ASPH: variants seen among roughly 807,000 people sequenced by gnomAD.
ASPH encodes aspartate beta-hydroxylase, also known as aspartyl/asparaginyl beta-hydroxylase.
ASPH carries 100 observed loss-of-function variants against 118.4 expected under a neutral mutation model. That is an observed-to-expected ratio of 0.84 (90% CI 0.72 to 1.00). The LOEUF is 1.00. Among genes scored for constraint, ASPH ranks in the 50% least tolerant of loss-of-function variants. The pLI is 0.00. For missense variants in ASPH, 920 were observed against 919.5 expected (o/e 1.00, Z -0.01); for synonymous variants, 315 against 325.6 (o/e 0.97, Z 0.35).
chr8:61,583,192 C>CT (rs1451431268), intron 15 of ASPH: 1 of 152,056 alleles, frequency 6.6e-6, no homozygotes, highest in South Asian at 2.1e-4. Context: ...CCTAGTTTTT[C>CT]TTTTTGCATC....
chr8:61,594,286 C>T (rs527256029), intron 14 of ASPH, among the ~76,000 whole-genome samples: 4 of 152,220 alleles, frequency 2.6e-5, no homozygotes, highest in East Asian at 1.9e-4. Flanking sequence ...AAATATCACC[C>T]GAATTTATTA....
chr8:61,698,383 G>T (rs780293851), intron 1 of ASPH, among the ~76,000 whole-genome samples: 2 of 152,244 alleles, frequency 1.3e-5, no homozygotes, highest in African/African-American at 2.4e-5. Context: ...ACTACATATG[G>T]AAAAGCCTTT....
intron 15 of ASPH, 144 bp downstream of exon 15, chr8:61,583,800 G>T: frequency 1.7e-6 from 1 of 586,148 alleles, no homozygotes; most frequent in Non-Finnish European, 2.9e-6. Flanking sequence ...ATTTCATGTG[G>T]AATGTTCATG....
chr8:61,654,570 A>G (rs1812680802), intron 3 of ASPH, among the ~76,000 whole-genome samples: 2 of 152,338 alleles, frequency 1.3e-5, no homozygotes, highest in East Asian at 1.9e-4. Flanking sequence ...ATGTATGCAC[A>G]CTAATGTGGT....
intron 21 of ASPH, among the ~76,000 whole-genome samples, chr8:61,533,050 A>AT (rs1013089224): frequency 4.7e-5 from 7 of 147,804 alleles, no homozygotes; most frequent in African/African-American, 7.5e-5. Flanking sequence ...GAAAACTCAC[A>AT]TTTTTTCTAT....
In ASPH at chr8:61,555,924, C is replaced by A; in HGVS notation, c.1536G>T (p.Lys512Asn). The change falls in exon 19 of 25, where the codon AAG (lysine) becomes AAT (asparagine). Residue 512 changes from lysine (K) to asparagine (N), a missense_variant and splice_region_variant. Lys to Asn is a moderately conservative substitution (Grantham distance 94). Coordinates refer to ENST00000379454, the MANE Select transcript of ASPH (RefSeq NM_004318.4). ...NKIAESIPYL[K>N]EGIESGDPGT... ...GGAGAGGAGAAGCAGTGAGCATTAC[C>A]TTTAAATATGGGATGCTCTCAGCAA... The A allele has an allele frequency of 6.2e-7, 1 of 1,612,886 alleles. No individual in the cohort carries two copies. Among genetic ancestry groups the A allele is most frequent in the South Asian group, 1.1e-5 (1 of 90,942 alleles).
At chr8:61,529,781 T>A (rs919114448) in intron 21 of ASPH, among the ~76,000 whole-genome samples, 2 of 152,218 alleles carry the variant, frequency 1.3e-5, no homozygotes, top group African/African-American at 4.8e-5. Flanking sequence ...TCAATTCTGG[T>A]GAGGGCCACT....
chr8:61,689,997 C>T, intron 1 of ASPH: 1 of 453,410 alleles, frequency 2.2e-6, no homozygotes. Context: ...TAGCTAACTC[C>T]AACCCCTAAA....
At chr8:61,637,159 T>G (rs1858189796) in intron 12 of ASPH, among the ~76,000 whole-genome samples, 1 of 151,998 alleles carries the variant, frequency 6.6e-6, no homozygotes, top group Non-Finnish European at 1.5e-5. Context: ...TCTTACATGC[T>G]CCCCCTGGCA....
chr8:61,576,360 G>C (rs1357973557), intron 16 of ASPH, among the ~76,000 whole-genome samples: 1 of 152,164 alleles, frequency 6.6e-6, no homozygotes, highest in Non-Finnish European at 1.5e-5. Context: ...AAAAACTATA[G>C]AGACATCAAA....
chr8:61,535,609 T>A (rs552853025), intron 21 of ASPH, among the ~76,000 whole-genome samples: 1 of 152,382 alleles, frequency 6.6e-6, no homozygotes, highest in South Asian at 2.1e-4. Flanking sequence ...GGAGTTAGAA[T>A]GAATTGATAA....
chr8:61,670,330 A>G (rs1821818191), intron 3 of ASPH, among the ~76,000 whole-genome samples: 1 of 151,990 alleles, frequency 6.6e-6, no homozygotes, highest in South Asian at 2.1e-4. Context: ...TGAAATGATC[A>G]GTTTTAGGAA....
chr8:61,694,857 A>G (rs1011652744), intron 1 of ASPH, among the ~76,000 whole-genome samples: 8 of 152,170 alleles, frequency 5.3e-5, no homozygotes, highest in Non-Finnish European at 1.0e-4. Context: ...ACAATAAACC[A>G]TGGTCTTTCC....
chr8:61,708,915 C>G (rs1276278347), intron 1 of ASPH, among the ~76,000 whole-genome samples: 1 of 146,658 alleles, frequency 6.8e-6, no homozygotes, highest in Non-Finnish European at 1.5e-5. Flanking sequence ...CACCAATGCT[C>G]TCCGCTCTGG....
intron 13 of ASPH, among the ~76,000 whole-genome samples, chr8:61,629,227 C>T (rs994337833): frequency 1.2e-4 from 18 of 152,156 alleles, no homozygotes; most frequent in Non-Finnish European, 1.5e-5. Flanking sequence ...AACATGGTTA[C>T]ACAAAACATA....
chr8:61,669,085 T>C (rs559011923), intron 3 of ASPH, among the ~76,000 whole-genome samples: 73 of 152,264 alleles, frequency 4.8e-4, no homozygotes, highest in Middle Eastern at 3.4e-3. Context: ...GTAGTGTTCA[T>C]CTCCTCAGGA....
intron 14 of ASPH, among the ~76,000 whole-genome samples, chr8:61,591,377 G>C (rs1841071698): frequency 6.6e-6 from 1 of 151,304 alleles, no homozygotes. Flanking sequence ...ATAATGGAGG[G>C]GCCCGAAGAG....
At chr8:61,603,178 G>T (rs1844577087) in intron 14 of ASPH, among the ~76,000 whole-genome samples, 1 of 109,298 alleles carries the variant, frequency 9.1e-6, no homozygotes, top group African/African-American at 3.6e-5. Context: ...GGGTGACAGA[G>T]TGAGACTTGT....
At chr8:61,647,018 T>A in intron 5 of ASPH, 140 bp from the exon 6 acceptor site, 1 of 1,092,540 alleles carries the variant, frequency 9.2e-7, no homozygotes, top group Non-Finnish European at 1.3e-6. Flanking sequence ...CATTGTCCAC[T>A]CCACAGCTAT....
Sources: gnomAD v4.1 joint callset for allele counts (sites outside exome capture counted in the v4.1 genomes callset) on GRCh38, gnomAD v4.1.1 for gene constraint, MANE v1.5 for transcripts, NCBI Gene and HGNC (gene_info 2026-07-23, HGNC 2026-07-21) for gene names.